Variants in RBFOX1 observed in about 807,000 individuals in gnomAD.
The protein encoded by RBFOX1 is RNA binding fox-1 homolog 1.
In RBFOX1, 8 loss-of-function variants were observed where a neutral mutation model predicts 57.7. The observed-to-expected ratio is 0.14, with a 90% CI of 0.08 to 0.25. The LOEUF is 0.25. Among genes scored for constraint, RBFOX1 ranks in the 10% least tolerant of loss-of-function variants. RBFOX1 has a pLI of 1.00. For synonymous variants in RBFOX1, 326 were observed against 222.4 expected (o/e 1.47, Z -4.15); for missense variants, 611 against 548.5 (o/e 1.11, Z -1.14).
At chr16:5,370,177 G>A (rs2065821412) in intron 1 of RBFOX1, among the ~76,000 whole-genome samples, 1 of 152,142 alleles carries the variant, frequency 6.6e-6, no homozygotes, top group Admixed American at 6.5e-5. Context: ...TGCCCACTCT[G>A]GAAACTTCTC....
intron 3 of RBFOX1, among the ~76,000 whole-genome samples, chr16:6,983,221 C>G (rs1247810923): frequency 6.6e-6 from 1 of 152,052 alleles, no homozygotes. Flanking sequence ...CTGTCACCCG[C>G]TTTATCCTCT....
chr16:7,521,007 C>T (rs866195061), intron 5 of RBFOX1, among the ~76,000 whole-genome samples: 14 of 152,132 alleles, frequency 9.2e-5, no homozygotes, highest in African/African-American at 2.7e-4. Flanking sequence ...AGAAACTGAG[C>T]ATGTGGCAAA....
chr16:5,780,170 T>A lies in RBFOX1; in HGVS notation c.319-87133T>A, dbSNP rs181335643. Among the ~76,000 whole-genome samples the A allele has an allele frequency of 4.5e-3, 689 of 152,258 alleles. 6 individuals carry two copies. Among genetic ancestry groups the A allele is most frequent in the African/African-American group, 0.015 (633 of 41,556 alleles). ...AGTGCGTGACACCAGGCCTGGCTAA[T>A]TTTTGTATTTTTAGTGGAGATGGGA... On this transcript the variant is annotated intron_variant, in intron 3 of 19. Transcript: ENST00000641259.
intron 2 of RBFOX1, among the ~76,000 whole-genome samples, chr16:5,498,504 T>C (rs1688214161): frequency 6.6e-6 from 1 of 152,172 alleles, no homozygotes; most frequent in African/African-American, 2.4e-5. Context: ...TTTCTTTGAT[T>C]TGTGTTTCTA....
chr16:6,869,613 T>C (rs2060523430), intron 3 of RBFOX1, among the ~76,000 whole-genome samples: 1 of 152,046 alleles, frequency 6.6e-6, no homozygotes, highest in Non-Finnish European at 1.5e-5. Context: ...ACAGGAAAAA[T>C]ATAATTGGAA....
intron 13 of RBFOX1, 138 bp downstream of exon 13, chr16:7,665,106 T>G (rs8064206): frequency 3.9e-6 from 6 of 1,554,434 alleles, no homozygotes; most frequent in African/African-American, 1.4e-5. Context: ...TGGTTTGTCT[T>G]GCAGGACAGA....
At chr16:6,214,318 GGA>G (rs951534049) in intron 1 of RBFOX1, among the ~76,000 whole-genome samples, 17 of 151,420 alleles carry the variant, frequency 1.1e-4, no homozygotes, top group African/African-American at 3.6e-4. Context: ...AGAGGGAGAA[GGA>G]GAGAGAGAGG....
At chr16:7,171,426 ATGTTCCCTGGTTGCTTTATGTATGTG>A (rs902373909) in intron 4 of RBFOX1, among the ~76,000 whole-genome samples, 2 of 152,134 alleles carry the variant, frequency 1.3e-5, no homozygotes, top group African/African-American at 4.8e-5. Flanking sequence ...CCTGTTTTGT[ATGTTCCCTGGTTGCTTTATGTATGTG>A]TGCTTTTGAA....
chr16:7,042,927 AAAAT>A lies in RBFOX1; in HGVS notation c.-15-9114_-15-9111del, dbSNP rs575931636. Reference sequence around the variant, plus strand: ...GGTGACAGAGGAAGACTTTGTTTCAAAAATAAATAAATAAATAAAGTGATTAAAA... The same window carrying A: ...GGTGACAGAGGAAGACTTTGTTTCAAAAATAAATAAATAAAGTGATTAAAA... On this transcript the variant is annotated intron_variant, in intron 3 of 15. Transcript: ENST00000550418. Among the ~76,000 whole-genome samples, 304 of 152,308 alleles carry A rather than the reference AAAAT, an allele frequency of 2.0e-3. 1 individual carries two copies. Among genetic ancestry groups the A allele is most frequent in the Middle Eastern group, 6.8e-3 (2 of 292 alleles).
intron 2 of RBFOX1, among the ~76,000 whole-genome samples, chr16:6,325,927 C>T (rs1042814736): frequency 3.9e-5 from 6 of 152,154 alleles, no homozygotes; most frequent in Admixed American, 6.5e-5. Flanking sequence ...AGTTGGTACA[C>T]AGTAAACAGT....
intron 9 of RBFOX1, among the ~76,000 whole-genome samples, chr16:7,604,766 G>A (rs1349161629): frequency 1.3e-5 from 2 of 152,134 alleles, no homozygotes; most frequent in Non-Finnish European, 1.5e-5. Flanking sequence ...TAATCTTTAA[G>A]AGCTACACCA....
chr16:6,806,304 G>C (rs892096442), intron 3 of RBFOX1, among the ~76,000 whole-genome samples: 11 of 152,096 alleles, frequency 7.2e-5, no homozygotes, highest in African/African-American at 2.7e-4. Flanking sequence ...GTAGTAACCT[G>C]ATAATGTTGA....
At chr16:6,339,649 T>TTTTTATTTTATTTTA (rs150077063) in intron 2 of RBFOX1, among the ~76,000 whole-genome samples, 1 of 145,196 alleles carries the variant, frequency 6.9e-6, no homozygotes, top group African/African-American at 2.6e-5. Flanking sequence ...ATTCCTTTAT[T>TTTTTATTTTATTTTA]TTTTATTTTA....
At chr16:7,128,571 A>G (rs555133252) in intron 4 of RBFOX1, among the ~76,000 whole-genome samples, 9 of 152,292 alleles carry the variant, frequency 5.9e-5, no homozygotes, top group African/African-American at 2.2e-4. Context: ...ACAATTGTAC[A>G]TGCAGAAGGG....
At chr16:7,301,328 A>C (rs1000662857) in intron 4 of RBFOX1, among the ~76,000 whole-genome samples, 3 of 152,160 alleles carry the variant, frequency 2.0e-5, no homozygotes, top group African/African-American at 7.2e-5. Context: ...GCACTGGTGG[A>C]GAGATGTTCA....
chr16:6,644,473 C>T (rs546182502), intron 2 of RBFOX1, among the ~76,000 whole-genome samples: 17 of 152,304 alleles, frequency 1.1e-4, no homozygotes, highest in African/African-American at 3.6e-4. Flanking sequence ...TGATCATAAG[C>T]CGATTTGGGC....
At chr16:6,055,947 C>T (rs972128842) in intron 1 of RBFOX1, among the ~76,000 whole-genome samples, 1 of 152,050 alleles carries the variant, frequency 6.6e-6, no homozygotes, top group African/African-American at 2.4e-5. Context: ...TTATTTCTTT[C>T]CTAATATATG....
chr16:6,586,042 C>G (rs2097609479), intron 2 of RBFOX1, among the ~76,000 whole-genome samples: 1 of 152,212 alleles, frequency 6.6e-6, no homozygotes, highest in Non-Finnish European at 1.5e-5. Flanking sequence ...AGAACAGGTA[C>G]TAGCTGTATT....
At chr16:6,478,207 C>G (rs2153090164) in intron 2 of RBFOX1, among the ~76,000 whole-genome samples, 1 of 147,128 alleles carries the variant, frequency 6.8e-6, no homozygotes, top group East Asian at 2.0e-4. Flanking sequence ...AGGAGCCTAG[C>G]TTTTAGCCTG....
Sources: allele counts gnomAD v4.1 joint callset (sites outside exome capture counted in the v4.1 genomes callset), GRCh38; gene constraint gnomAD v4.1.1; transcripts MANE v1.5; gene names NCBI Gene and HGNC (gene_info 2026-07-23, HGNC 2026-07-21).